TMEM161B: variants seen among roughly 807,000 people sequenced by gnomAD.
TMEM161B encodes the protein transmembrane protein 161B.
A neutral mutation model predicts 61.8 loss-of-function variants in TMEM161B; 34 were observed. The observed-to-expected ratio is 0.55, with a 90% CI of 0.42 to 0.73. The LOEUF (loss-of-function observed/expected upper bound fraction) is 0.73, where lower values mean the gene tolerates loss of function less well. Among genes scored for constraint, TMEM161B ranks in the 30% least tolerant of loss-of-function variants. The probability of loss-of-function intolerance (pLI) is 0.00; values close to 1 mark genes in which losing one functional copy is unlikely to be tolerated. For missense variants in TMEM161B, 456 were observed against 558.5 expected, an observed-to-expected ratio of 0.82 and a Z score of 1.85; for synonymous variants, 167 against 192.8, an observed-to-expected ratio of 0.87 and a Z score of 1.11.
intron 1 of TMEM161B, among the ~76,000 whole-genome samples, chr5:88,243,677 T>C (rs1036486803): frequency 7.2e-5 from 11 of 151,918 alleles, no homozygotes; most frequent in African/African-American, 2.7e-4. Flanking sequence ...CCAAACTGCT[T>C]TGCACAATGG....
At chr5:88,262,497 C>A (rs1755806302) in intron 1 of TMEM161B, among the ~76,000 whole-genome samples, 2 of 152,180 alleles carry the variant, frequency 1.3e-5, no homozygotes, top group South Asian at 4.1e-4. Flanking sequence ...CTGGAAGCAA[C>A]CAAGATATCC....
downstream of TMEM161B, among the ~76,000 whole-genome samples, chr5:88,189,472 G>A (rs538157880): frequency 6.6e-6 from 1 of 152,230 alleles, no homozygotes; most frequent in African/African-American, 2.4e-5. Flanking sequence ...GATCCAGGCT[G>A]GGATTCCCTC....
intron 1 of TMEM161B, among the ~76,000 whole-genome samples, chr5:88,257,020 A>G (rs904166161): frequency 1.3e-5 from 2 of 152,168 alleles, no homozygotes; most frequent in Non-Finnish European, 2.9e-5. Context: ...TAAAGCCTGT[A>G]ATCTCAGGGC....
chr5:88,238,991 C>T (rs189259143), intron 2 of TMEM161B, among the ~76,000 whole-genome samples: 1 of 152,072 alleles, frequency 6.6e-6, no homozygotes, highest in Non-Finnish European at 1.5e-5. Flanking sequence ...TTAATTAACA[C>T]AAAAGTTAAT....
At chr5:88,256,972 G>A (rs1342964437) in intron 1 of TMEM161B, among the ~76,000 whole-genome samples, 1 of 152,210 alleles carries the variant, frequency 6.6e-6, no homozygotes, top group Non-Finnish European at 1.5e-5. Context: ...ATAGCTTTGT[G>A]TTACAAATAC....
downstream of TMEM161B, among the ~76,000 whole-genome samples, chr5:88,187,026 T>C (rs561582160): frequency 1.3e-5 from 2 of 152,254 alleles, no homozygotes; most frequent in Admixed American, 6.5e-5. Context: ...GGCTCTTGAA[T>C]TGATTCTTGT....
intron 4 of TMEM161B, chr5:88,221,574 GTTGA>G (rs1748993314): frequency 2.6e-6 from 1 of 382,554 alleles, no homozygotes; most frequent in South Asian, 1.9e-5. Flanking sequence ...TAAAATGTCT[GTTGA>G]TTTTCTATAA....
intron 5 of TMEM161B, among the ~76,000 whole-genome samples, chr5:88,207,630 T>C (rs1374366414): frequency 2.6e-5 from 4 of 152,170 alleles, no homozygotes; most frequent in African/African-American, 9.7e-5. Context: ...CACTTCACAT[T>C]AGTAATAAGA....
chr5:88,213,915 T>C (rs1747345828), intron 5 of TMEM161B, among the ~76,000 whole-genome samples: 1 of 152,174 alleles, frequency 6.6e-6, no homozygotes, highest in Non-Finnish European at 1.5e-5. Context: ...CTTATGCAGT[T>C]TACTTCAGGG....
chr5:88,190,315 G>A (rs943431306), downstream of TMEM161B: 9 of 698,120 alleles, frequency 1.3e-5, no homozygotes, highest in South Asian at 3.0e-5. Flanking sequence ...TGACAAATGC[G>A]AGATGTAGAA....
chr5:88,240,703 TC>T, intron 2 of TMEM161B, 109 bp downstream of exon 2: 1 of 886,746 alleles, frequency 1.1e-6, no homozygotes, highest in Admixed American at 2.4e-5. Context: ...GCTAGATTTT[TC>T]TTATGACTTC....
intron 1 of TMEM161B, among the ~76,000 whole-genome samples, chr5:88,243,666 G>C (rs114181277): frequency 2.6e-5 from 4 of 151,778 alleles, no homozygotes; most frequent in Non-Finnish European, 5.9e-5. Flanking sequence ...TTGAGAAGTC[G>C]CCAAACTGCT....
chr5:88,212,814 G>A (rs948906680), intron 5 of TMEM161B, among the ~76,000 whole-genome samples: 2 of 152,206 alleles, frequency 1.3e-5, no homozygotes, highest in African/African-American at 4.8e-5. Flanking sequence ...GCGATGGAGC[G>A]AGATTATCTC....
chr5:88,191,998 A>ATG (rs1290614254), downstream of TMEM161B, among the ~76,000 whole-genome samples: 60 of 78,502 alleles, frequency 7.6e-4, 2 homozygotes, highest in African/African-American at 3.8e-3. Context: ...ATATATATAT[A>ATG]TATATATATA....
intron 1 of TMEM161B, among the ~76,000 whole-genome samples, chr5:88,250,441 C>G (rs528662409): frequency 6.6e-6 from 1 of 152,194 alleles, no homozygotes; most frequent in African/African-American, 2.4e-5. Context: ...CATATAAGAA[C>G]ACAGACAAAG....
At position 88,220,723 on chromosome 5, in the gene TMEM161B, GAAAGA is replaced by G; in HGVS notation, c.290-9_290-5del. ...TATTCTGGAAAGTAATGCAATGCTG[GAAAGA>G]AAAAAAAAAAAAAAAAAAAAAAAGG... On this transcript the variant is annotated splice_region_variant and splice_polypyrimidine_tract_variant and intron_variant, in intron 4 of 11. Coordinates refer to ENST00000296595, the MANE Select transcript of TMEM161B (RefSeq NM_153354.5). 1 of 267,142 alleles carries G rather than the reference GAAAGA, an allele frequency of 3.7e-6. No homozygotes were observed. The allele number at this position is 267,142 out of a possible 1,614,324, so 16.5% of individuals were successfully genotyped here.
chr5:88,217,568 C>T (rs1278458323), intron 5 of TMEM161B, among the ~76,000 whole-genome samples: 4 of 73,732 alleles, frequency 5.4e-5, no homozygotes, highest in African/African-American at 1.1e-4. Context: ...GTGGCGGCAG[C>T]GGTGGGCGAG....
At chr5:88,211,014 T>C (rs1026897980) in intron 5 of TMEM161B, among the ~76,000 whole-genome samples, 4 of 152,120 alleles carry the variant, frequency 2.6e-5, no homozygotes, top group African/African-American at 9.7e-5. Context: ...AATCCTTTAA[T>C]AATGTTAAAA....
chr5:88,229,539 T>A (rs1299850584), intron 2 of TMEM161B, among the ~76,000 whole-genome samples: 1 of 151,228 alleles, frequency 6.6e-6, no homozygotes, highest in Non-Finnish European at 1.5e-5. Context: ...TACTTATTTT[T>A]CCGTAATACA....
Sources: allele counts gnomAD v4.1 joint callset (sites outside exome capture counted in the v4.1 genomes callset), GRCh38; gene constraint gnomAD v4.1.1; transcripts MANE v1.5; gene names NCBI Gene and HGNC (gene_info 2026-07-23, HGNC 2026-07-21).